SLK: variants seen among roughly 807,000 people sequenced by gnomAD.
SLK encodes STE20-like serine/threonine-protein kinase.
Under a neutral mutation model 147.7 loss-of-function variants are expected in SLK, and 67 were observed. The observed-to-expected ratio is 0.45, with a 90% confidence interval of 0.37 to 0.56. The LOEUF (loss-of-function observed/expected upper bound fraction) is 0.56, where lower values mean the gene tolerates loss of function less well. Among genes scored for constraint, SLK ranks in the 20% least tolerant of loss-of-function variants. The probability of loss-of-function intolerance (pLI) is 0.00; values close to 1 mark genes in which losing one functional copy is unlikely to be tolerated. For synonymous variants in SLK, 441 were observed against 475.0 expected, an observed-to-expected ratio of 0.93 and a Z score of 0.93; for missense variants, 1,136 against 1,438.8, an observed-to-expected ratio of 0.79 and a Z score of 3.41.
chr10:103,967,814 C>A lies in SLK; in HGVS notation c.69C>A (p.His23Gln). Reference sequence around the variant, plus strand: ...AGAAGAAGAAGAAGCAGTACGAACACGTGAAGAGGGACCTGAACCCCGAAG... The same window carrying A: ...AGAAGAAGAAGAAGCAGTACGAACAAGTGAAGAGGGACCTGAACCCCGAAG... ...GSEKKKKQYE[H>Q]VKRDLNPEDF... Residue 23 changes from histidine to glutamine, a missense_variant, in exon 1 of 19, where the codon CAC (histidine) becomes CAA (glutamine). Physicochemically the swap from His to Gln is conservative, Grantham distance 24 (BLOSUM62 0). Around this residue, in one of 6 missense-constraint regions of SLK, gnomAD observed 126 missense variants for 141.3 expected, o/e 0.89. Coordinates refer to ENST00000369755, the MANE Select transcript of SLK (RefSeq NM_014720.4). 1 of 1,614,088 alleles carries A rather than the reference C, an allele frequency of 6.2e-7. No individual in the cohort carries two copies. The highest frequency in any genetic ancestry group is 8.5e-7 in the Non-Finnish European group (1 of 1,179,940).
chr10:104,028,857 G>A lies in SLK; in HGVS notation c.*3137G>A, dbSNP rs920463589. On this transcript the variant is annotated 3_prime_UTR_variant, in exon 19 of 19. Transcript: ENST00000369755. ...TCTAGAACTGAAGTGAAAGAAGAGA[G>A]TTCCAGTTCTAATAGTCTTTTGATT... 4 of 152,244 alleles carry A rather than the reference G, an allele frequency of 2.6e-5. No homozygotes were observed. The highest frequency in any genetic ancestry group is 9.6e-5 in the African/African-American group (4 of 41,462). 9.4% of individuals were successfully genotyped at this position (152,244 alleles called of 1,614,324 possible).
intron 14 of SLK, 64 bp downstream of exon 14, chr10:104,018,353 T>G: frequency 6.9e-7 from 1 of 1,443,084 alleles, no homozygotes; most frequent in Non-Finnish European, 9.5e-7. Flanking sequence ...TAGAAGTGAA[T>G]GTAAACATAT....
Position 104,020,504 on chromosome 10 carries a change from A to G in SLK, c.3338A>G (p.Glu1113Gly), listed in dbSNP as rs1214998248. The G allele has an allele frequency of 3.1e-6, 5 of 1,613,448 alleles. No individual in the cohort carries two copies. The Admixed American group carries it at 8.3e-5, about 27-fold the overall frequency. ...TATTTATAGTTTGCTGCACAAGAAG[A>G]AAAGAGGCAGAAAAATGAGAGAATG... ...DKIKQFAAQE[E>G]KRQKNERMAQ... is the part of the protein sequence containing the mutation. The change falls in exon 17 of 19, where the codon GAA (glutamate) becomes GGA (glycine). Residue 1113 changes from glutamate to glycine, a missense_variant. By Grantham distance (98) the Glu-to-Gly change is moderately conservative. This residue lies in a region of SLK where 327 missense variants were observed against 457.5 expected (regional missense o/e 0.71). Coordinates refer to ENST00000369755, the MANE Select transcript of SLK (RefSeq NM_014720.4).
Position 104,003,495 on chromosome 10 carries a change from A to G in SLK, c.2317A>G (p.Lys773Glu). 6 of 1,596,598 alleles carry G rather than the reference A, an allele frequency of 3.8e-6. No individual in the cohort carries two copies. Among genetic ancestry groups the G allele is most frequent in the Non-Finnish European group, 5.1e-6 (6 of 1,172,672 alleles). The part of the protein sequence containing the change: ...LNLSISSFLS[K>E]TKDSGSISLQ... Reference sequence around the variant, plus strand: ...TTTATCCATCTCTAGCTTTCTAAGTAAAACTAAAGACAGTGGATCGATATC... The same window carrying G: ...TTTATCCATCTCTAGCTTTCTAAGTGAAACTAAAGACAGTGGATCGATATC... The change falls in exon 9 of 19, where the codon AAA (lysine) becomes GAA (glutamate). Residue 773 changes from lysine (K) to glutamate (E), a missense_variant. Lys to Glu is a moderately conservative substitution (Grantham distance 56, BLOSUM62 1). Coordinates refer to ENST00000369755, the MANE Select transcript of SLK (RefSeq NM_014720.4).
intron 2 of SLK, 60 bp downstream of exon 2, chr10:103,990,899 T>A (rs2134470526): frequency 1.9e-6 from 2 of 1,041,210 alleles, no homozygotes; most frequent in Non-Finnish European, 2.6e-6. Context: ...CCTAAAGAGA[T>A]GTTTATGAAT....
At chr10:103,975,161 G>A (rs1319946493) in intron 1 of SLK, among the ~76,000 whole-genome samples, 2 of 151,856 alleles carry the variant, frequency 1.3e-5, no homozygotes, top group Non-Finnish European at 2.9e-5. Context: ...CCATCTAAGT[G>A]CAATTTCTAT....
intron 1 of SLK, among the ~76,000 whole-genome samples, chr10:103,983,389 A>G (rs776610750): frequency 1.5e-4 from 23 of 152,024 alleles, no homozygotes; most frequent in Admixed American, 3.9e-4. Flanking sequence ...CGTTTACTCT[A>G]CTCTGTACCT....
Position 103,998,976 on chromosome 10 carries a change from G to A in SLK, c.587+5G>A. 1.9e-6 allele frequency: 3 copies of A among 1,599,390 alleles called. No homozygotes were observed. The highest frequency in any genetic ancestry group is 2.2e-5 in the East Asian group (1 of 44,750). ...CTTTATTGGTACACCATATTGGTAT[G>A]TATTCAGTTTTATGAATTTATAGTA... On this transcript the variant is annotated splice_donor_5th_base_variant and intron_variant, in intron 5 of 18. Transcript: ENST00000369755.
Position 103,993,151 on chromosome 10 carries a change from A to C in SLK, c.514+18A>C. ...CAAATTGGGTAAGTTATTCACTTAAATAAAACATTAGAATTTTTACTCTGA... is the reference window on the plus strand; with the variant it reads ...CAAATTGGGTAAGTTATTCACTTAACTAAAACATTAGAATTTTTACTCTGA... On this transcript the variant is annotated intron_variant, in intron 4 of 18. Transcript: ENST00000369755. 1 of 1,558,600 alleles carries C rather than the reference A, an allele frequency of 6.4e-7. No individual in the cohort carries two copies. The highest frequency in any genetic ancestry group is 2.3e-5 in the East Asian group (1 of 43,928).
At chr10:103,993,169 T>A (rs1389900737) in intron 4 of SLK, 36 bp downstream of exon 4, 4 of 1,486,572 alleles carry the variant, frequency 2.7e-6, no homozygotes, top group Non-Finnish European at 2.8e-6. Context: ...TTAGAATTTT[T>A]ACTCTGAAAT....
intron 2 of SLK, among the ~76,000 whole-genome samples, chr10:103,992,127 T>C (rs577601706): frequency 1.2e-4 from 18 of 144,930 alleles, no homozygotes; most frequent in African/African-American, 4.5e-4. Context: ...GAAGCTTTTG[T>C]GGGTATTTCT....
chr10:104,003,972 A>C (rs532535999), intron 9 of SLK, among the ~76,000 whole-genome samples: 20 of 152,344 alleles, frequency 1.3e-4, no homozygotes, highest in African/African-American at 4.6e-4. Context: ...AAAACAAAAC[A>C]AACACTAAAG....
Position 104,026,151 on chromosome 10 carries a change from T to G in SLK, c.*431T>G, listed in dbSNP as rs911078818. 6.5e-6 allele frequency: 1 copy of G among 153,576 alleles called. No individual in the cohort carries two copies. Among genetic ancestry groups the G allele is most frequent in the African/African-American group, 2.4e-5 (1 of 41,490 alleles). 9.5% of individuals were successfully genotyped at this position (153,576 alleles called of 1,614,324 possible). A position where few individuals can be genotyped will look rare whatever the true frequency, so the allele number is the denominator to read the frequency against. ...GCAGAGAGTTGGGATAATTTTCTTT[T>G]GGTGGATCAGCTCTCATAAAAAAGC... On this transcript the variant is annotated 3_prime_UTR_variant, in exon 19 of 19. Coordinates refer to ENST00000369755, the MANE Select transcript of SLK (RefSeq NM_014720.4).
intron 6 of SLK, 26 bp downstream of exon 6, chr10:103,999,339 A>G (rs774733754): frequency 5.1e-5 from 77 of 1,524,630 alleles, no homozygotes; most frequent in Non-Finnish European, 6.4e-5. Context: ...AAAAAGCTTA[A>G]TAAGAAACAA....
At chr10:103,992,723 A>G (rs1399998557) in intron 3 of SLK, 77 bp downstream of exon 3, 10 of 1,307,318 alleles carry the variant, frequency 7.6e-6, no homozygotes, top group Non-Finnish European at 1.0e-5. Context: ...CCATATATAA[A>G]TATATTCAAA....
chr10:104,025,451 G>C (rs536366469), intron 18 of SLK, 123 bp from the exon 19 acceptor site: 7 of 872,696 alleles, frequency 8.0e-6, no homozygotes, highest in Non-Finnish European at 1.2e-5. Context: ...TTGAGCAGGC[G>C]TGTCTTCTTG....
chr10:103,973,648 A>G (rs1208767222), intron 1 of SLK, among the ~76,000 whole-genome samples: 2 of 152,238 alleles, frequency 1.3e-5, no homozygotes, highest in Non-Finnish European at 2.9e-5. Context: ...TTACTATCTT[A>G]ATAATGAGTT....
chr10:103,986,704 A>G (rs1844020641), intron 1 of SLK, among the ~76,000 whole-genome samples: 2 of 120,038 alleles, frequency 1.7e-5, no homozygotes, highest in Middle Eastern at 0.015. Context: ...CCTGAGACAG[A>G]GTCTTGGTCT....
At chr10:104,006,224 T>C (rs961750135) in intron 11 of SLK, among the ~76,000 whole-genome samples, 189 bp downstream of exon 11, 2 of 152,210 alleles carry the variant, frequency 1.3e-5, no homozygotes, top group African/African-American at 4.8e-5. Context: ...ATTTATTCTT[T>C]TTTCTTGAAA....
Sources: allele counts gnomAD v4.1 joint callset (sites outside exome capture counted in the v4.1 genomes callset), GRCh38; gene constraint gnomAD v4.1.1; regional missense constraint gnomAD v4.1.1; transcripts MANE v1.5; gene names NCBI Gene and HGNC (gene_info 2026-07-23, HGNC 2026-07-21).